FAT3: variants seen among roughly 807,000 people sequenced by gnomAD.
FAT3 encodes the protein protocadherin Fat 3.
FAT3 carries 95 observed loss-of-function variants against 310.2 expected under a neutral mutation model. The ratio of observed to expected loss-of-function variants is 0.31; its 90% CI spans 0.26 to 0.36. FAT3 has a LOEUF of 0.36. Among genes scored for constraint, FAT3 ranks in the 10% least tolerant of loss-of-function variants. FAT3 has a pLI of 1.00. For missense variants in FAT3, 5,408 were observed against 5,715.6 expected (o/e 0.95, Z 1.74); for synonymous variants, 2,314 against 2,192.9 (o/e 1.06, Z -1.54).
chr11:92,604,115 T>C (rs984565114), intron 3 of FAT3, among the ~76,000 whole-genome samples: 1 of 152,206 alleles, frequency 6.6e-6, no homozygotes, highest in Admixed American at 6.5e-5. Flanking sequence ...CTGTTTTCTT[T>C]TGTGAGTGCC....
At chr11:92,765,795 G>GA (rs1946294177) in intron 6 of FAT3, among the ~76,000 whole-genome samples, 1 of 150,262 alleles carries the variant, frequency 6.7e-6, no homozygotes, top group East Asian at 2.0e-4. Flanking sequence ...TTTGAGGGGG[G>GA]GGTTGTTTTG....
chr11:92,636,271 T>C (rs1941766292), intron 3 of FAT3, among the ~76,000 whole-genome samples: 1 of 152,202 alleles, frequency 6.6e-6, no homozygotes, highest in Non-Finnish European at 1.5e-5. Flanking sequence ...AGGTCTTCTA[T>C]TCTTAAAAGA....
intron 12 of FAT3, 72 bp downstream of exon 12, chr11:92,806,587 A>C: frequency 7.7e-7 from 1 of 1,304,528 alleles, no homozygotes; most frequent in Non-Finnish European, 1.1e-6. Flanking sequence ...ATGTGGTCTC[A>C]TCACTAGTAA....
chr11:92,362,349 G>A lies in FAT3; in HGVS notation c.3292+6945G>A, dbSNP rs544263454. On this transcript the variant is annotated intron_variant, in intron 2 of 27. Transcript: ENST00000525166. ...AATAAATAAGTATAACTTTATAATC[G>A]TGTTCAGAGTTGGGCTAACTCTCTC... is the stretch of plus-strand genomic sequence containing the variant. Among the ~76,000 whole-genome samples the A allele has an allele frequency of 5.2e-4, 79 of 152,192 alleles. 1 individual carries two copies. The highest frequency in any genetic ancestry group is 1.8e-3 in the African/African-American group (74 of 41,514).
At chr11:92,884,939 A>G (rs539320400) in intron 24 of FAT3, among the ~76,000 whole-genome samples, 19 of 152,324 alleles carry the variant, frequency 1.2e-4, no homozygotes, top group African/African-American at 4.3e-4. Context: ...GGCTTTGGGC[A>G]GAAGGGGAGA....
At chr11:92,533,548 T>C (rs945460648) in intron 3 of FAT3, among the ~76,000 whole-genome samples, 1 of 152,226 alleles carries the variant, frequency 6.6e-6, no homozygotes, top group African/African-American at 2.4e-5. Context: ...TGCTCGATGC[T>C]GTTTCTTTAT....
At chr11:92,378,061 G>T (rs921402403) in intron 2 of FAT3, among the ~76,000 whole-genome samples, 1 of 151,882 alleles carries the variant, frequency 6.6e-6, no homozygotes, top group Non-Finnish European at 1.5e-5. Context: ...CATTTAAGGT[G>T]GTGTCAAAAA....
chr11:92,840,619 T>G lies in FAT3; in HGVS notation c.10426T>G (p.Phe3476Val). The G allele has an allele frequency of 6.2e-7, 1 of 1,611,686 alleles. No individual in the cohort carries two copies. The highest frequency in any genetic ancestry group is 1.1e-5 in the South Asian group (1 of 90,984). ...LQLVVTDRDS[F>V]HNGPPFSFSI... ...GCTGGTGGTGACAGACAGAGACTCC[T>G]TTCACAATGGGCCTCCCTTTTCATT... Residue 3476 changes from phenylalanine to valine, a missense_variant, in exon 18 of 28, where the codon TTT becomes GTT. By Grantham distance (50) the Phe-to-Val change is conservative. Around this residue, in one of 5 missense-constraint regions of FAT3, gnomAD observed 4,588 missense variants for 4,809.8 expected, o/e 0.95. Coordinates refer to ENST00000525166, the MANE Select transcript of FAT3 (RefSeq NM_001367949.2).
At chr11:92,862,223 TA>T (rs1388773722) in intron 21 of FAT3, among the ~76,000 whole-genome samples, 2 of 152,174 alleles carry the variant, frequency 1.3e-5, no homozygotes, top group African/African-American at 4.8e-5. Flanking sequence ...GCCCAAACCA[TA>T]ACTGAGGTTC....
intron 4 of FAT3, among the ~76,000 whole-genome samples, chr11:92,726,548 A>G (rs1019171970): frequency 1.3e-5 from 2 of 152,138 alleles, no homozygotes; most frequent in African/African-American, 2.4e-5. Context: ...ATTTTAAATG[A>G]CATTCAGAAG....
chr11:92,784,780 A>G (rs984953375), intron 7 of FAT3, among the ~76,000 whole-genome samples: 15 of 152,180 alleles, frequency 9.9e-5, no homozygotes, highest in African/African-American at 2.7e-4. Context: ...TTCTGACTGT[A>G]GATTAGGCGT....
chr11:92,833,740 G>A (rs1201804441), intron 14 of FAT3, among the ~76,000 whole-genome samples: 1 of 152,144 alleles, frequency 6.6e-6, no homozygotes, highest in African/African-American at 2.4e-5. Flanking sequence ...AAATGTATGG[G>A]GGTTTCCCTC....
intron 3 of FAT3, among the ~76,000 whole-genome samples, chr11:92,564,213 C>CA (rs1955346526): frequency 1.3e-5 from 2 of 151,304 alleles, no homozygotes; most frequent in African/African-American, 4.9e-5. Context: ...AAATGGAAAA[C>CA]AAAAAAAGGC....
chr11:92,430,524 A>G (rs1041594019), intron 2 of FAT3, among the ~76,000 whole-genome samples: 1 of 151,014 alleles, frequency 6.6e-6, no homozygotes, highest in African/African-American at 2.4e-5. Flanking sequence ...TTTTTTTAAT[A>G]TATACTTTAA....
chr11:92,866,381 G>C (rs1353430053), intron 21 of FAT3, among the ~76,000 whole-genome samples: 3 of 152,152 alleles, frequency 2.0e-5, no homozygotes, highest in Non-Finnish European at 4.4e-5. Context: ...CATTCCTGTG[G>C]TGGTAATGAC....
intron 3 of FAT3, among the ~76,000 whole-genome samples, chr11:92,674,593 G>A (rs1390918657): frequency 6.6e-6 from 1 of 151,930 alleles, no homozygotes; most frequent in Non-Finnish European, 1.5e-5. Context: ...CGTGACCAGA[G>A]CTCCCTGCAG....
chr11:92,227,750 TTC>T (rs1398637361), intron 1 of FAT3, among the ~76,000 whole-genome samples: 5 of 84,268 alleles, frequency 5.9e-5, no homozygotes, highest in East Asian at 2.8e-4. Flanking sequence ...TTCTTTCTTC[TTC>T]TTTTTTTTTT....
chr11:92,389,502 G>A (rs570459300), intron 2 of FAT3, among the ~76,000 whole-genome samples: 6 of 152,328 alleles, frequency 3.9e-5, no homozygotes, highest in East Asian at 1.9e-4. Flanking sequence ...AGGAAAAGGC[G>A]TACATGCAAG....
chr11:92,548,282 T>C (rs1954683500), intron 3 of FAT3, among the ~76,000 whole-genome samples: 1 of 152,138 alleles, frequency 6.6e-6, no homozygotes, highest in African/African-American at 2.4e-5. Flanking sequence ...TATCAAGGGC[T>C]TTTATCACCC....
Sources: gnomAD v4.1 joint callset for allele counts (sites outside exome capture counted in the v4.1 genomes callset) on GRCh38, gnomAD v4.1.1 for gene constraint, gnomAD v4.1.1 regional missense constraint, MANE v1.5 for transcripts, NCBI Gene and HGNC (gene_info 2026-07-23, HGNC 2026-07-21) for gene names.